NACC2: variants seen among roughly 807,000 people sequenced by gnomAD.
The protein encoded by NACC2 is NACC family member 2, also known as nucleus accumbens-associated protein 2.
A neutral mutation model predicts 25.1 loss-of-function variants in NACC2; 8 were observed. That is an observed-to-expected ratio of 0.32 (90% CI 0.19 to 0.57). The LOEUF (loss-of-function observed/expected upper bound fraction) is 0.57. NACC2 is among the 20% of genes least tolerant of loss of function. NACC2 has a pLI of 0.89. For missense variants in NACC2, 644 were observed against 650.2 expected (o/e 0.99, Z 0.10); for synonymous variants, 435 against 294.7 (o/e 1.48, Z -4.88).
chr9:136,011,413 A>G lies in NACC2; in HGVS notation c.*103T>C, dbSNP rs1383375042. On this transcript the variant is annotated 3_prime_UTR_variant, in exon 6 of 6. Coordinates refer to ENST00000277554, the MANE Select transcript of NACC2 (RefSeq NM_144653.5). Reference sequence around the variant, plus strand: ...AAAAATCACATTTTTCTCAGGCAACAGTAGCAGTTCAGTAGGTAAGTGGCT... The same window carrying G: ...AAAAATCACATTTTTCTCAGGCAACGGTAGCAGTTCAGTAGGTAAGTGGCT... The G allele has an allele frequency of 3.4e-6, 4 of 1,185,350 alleles. No individual in the cohort carries two copies. In the African/African-American group the frequency reaches 4.7e-5, roughly 14 times the overall value. The allele number at this position is 1,185,350 out of a possible 1,614,324, so 73.4% of individuals were successfully genotyped here. A position where few individuals can be genotyped will look rare whatever the true frequency, so the allele number is the denominator to read the frequency against.
At chr9:136,074,891 G>A (rs535510113) in intron 1 of NACC2, among the ~76,000 whole-genome samples, 2 of 152,306 alleles carry the variant, frequency 1.3e-5, no homozygotes, top group East Asian at 1.9e-4. Flanking sequence ...AGGCGGAGTC[G>A]GCAGGGCCGG....
intron 2 of NACC2, among the ~76,000 whole-genome samples, chr9:136,048,470 T>C (rs1006282672): frequency 7.2e-4 from 110 of 152,326 alleles, no homozygotes; most frequent in Non-Finnish European, 1.2e-3. Flanking sequence ...CCCTACCCCC[T>C]ACCACTAAAA....
intron 1 of NACC2, among the ~76,000 whole-genome samples, chr9:136,076,696 G>A (rs1336470594): frequency 2.6e-5 from 4 of 152,138 alleles, no homozygotes; most frequent in African/African-American, 9.7e-5. Context: ...TTCATGTTGT[G>A]TATATTTGAC....
At chr9:136,079,940 T>C (rs1830303384) in intron 1 of NACC2, among the ~76,000 whole-genome samples, 3 of 152,182 alleles carry the variant, frequency 2.0e-5, no homozygotes, top group Admixed American at 1.3e-4. Flanking sequence ...TTTGGAGCTG[T>C]TCCCCAGGGA....
rs553649464 is a variant in NACC2 at position 136,028,942 on chromosome 9, T to C, written c.887-12513A>G. Reference sequence around the variant, plus strand: ...TGCCGCCTTGGCCCCCTCTGGATGTTGGGCACCGTCGAGCACAAGAGGGAG... The same window carrying C: ...TGCCGCCTTGGCCCCCTCTGGATGTCGGGCACCGTCGAGCACAAGAGGGAG... On this transcript the variant is annotated intron_variant, in intron 2 of 5. Transcript: ENST00000277554. 1.1e-3 allele frequency among the ~76,000 whole-genome samples: 162 copies of C among 152,328 alleles called. 1 individual carries two copies. The highest frequency in any genetic ancestry group is 3.8e-3 in the African/African-American group (157 of 41,570).
chr9:136,094,312 G>C (rs1361656072), intron 1 of NACC2, among the ~76,000 whole-genome samples: 1 of 152,214 alleles, frequency 6.6e-6, no homozygotes, highest in Non-Finnish European at 1.5e-5. Context: ...GCGGCCTTCA[G>C]ACCCACAGGT....
In NACC2 at chr9:136,034,834, C is replaced by T. The variant is rs1004792845; in HGVS notation, c.886+14802G>A. ...GGGGGCCAGGCACAGTGGCTCATGC[C>T]TGTAACCCCAGCATTTTGGAAGGCA... is the stretch of plus-strand genomic sequence containing the variant. On this transcript the variant is annotated intron_variant, in intron 2 of 5. Transcript: ENST00000277554. Among the ~76,000 whole-genome samples, 34 of 152,292 alleles carry T rather than the reference C, an allele frequency of 2.2e-4. No individual in the cohort carries two copies. The Middle Eastern group carries it at 0.014, about 61-fold the overall frequency.
chr9:136,013,080 C>T lies in NACC2; in HGVS notation c.1255+119G>A, dbSNP rs765743843. 2.7e-4 allele frequency: 205 copies of T among 768,782 alleles called. No individual in the cohort carries two copies. Among genetic ancestry groups the T allele is most frequent in the Non-Finnish European group, 3.6e-4 (169 of 471,090 alleles). The allele number at this position is 768,782 out of a possible 1,614,324, so 47.6% of individuals were successfully genotyped here. ...TCCCCTCAATCAGACCATGCTCGGC[C>T]CCCAGGGACGGAAGCTGCAGGTGGC... is the stretch of plus-strand genomic sequence containing the variant. On this transcript the variant is annotated intron_variant, in intron 5 of 5. Coordinates refer to ENST00000277554, the MANE Select transcript of NACC2 (RefSeq NM_144653.5). The surrounding 1 kb of genome is among the most constrained non-coding windows in gnomAD (Gnocchi z 6.6).
chr9:136,058,894 G>C (rs1255616105), intron 1 of NACC2, among the ~76,000 whole-genome samples: 5 of 152,192 alleles, frequency 3.3e-5, no homozygotes, highest in Non-Finnish European at 7.4e-5. Flanking sequence ...GGGCAGGATG[G>C]TCTCCTGACC....
At chr9:136,094,260 G>A (rs1830463675) in intron 1 of NACC2, among the ~76,000 whole-genome samples, 1 of 152,164 alleles carries the variant, frequency 6.6e-6, no homozygotes, top group African/African-American at 2.4e-5. Flanking sequence ...TTGGGGGAGG[G>A]AGTGGAACGG....
At chr9:136,014,125 A>G in intron 3 of NACC2, among the ~76,000 whole-genome samples, 156 bp from the exon 4 acceptor site, 1 of 151,988 alleles carries the variant, frequency 6.6e-6, no homozygotes, top group East Asian at 1.9e-4. Flanking sequence ...TTGAGGTCCC[A>G]CCTGCTGGTC....
rs1476406455 is a variant in NACC2, at chr9:136,013,347, C to A, written c.1158-51G>T. On this transcript the variant is annotated intron_variant, in intron 4 of 5. Transcript: ENST00000277554. This position sits in a 1 kb window ranked among gnomAD's most constrained non-coding sequence, Gnocchi z 6.6. ...CAGGGTGAGGATGATGGGGAGGGTA[C>A]CTGGAGGCGACCCGCCCGCACGAAT... 8 of 1,549,198 alleles carry A rather than the reference C, an allele frequency of 5.2e-6. No individual in the cohort carries two copies. The highest frequency in any genetic ancestry group is 1.7e-5 in the Admixed American group (1 of 58,862).
chr9:136,091,759 C>A (rs1025381358), intron 1 of NACC2, among the ~76,000 whole-genome samples: 2 of 152,152 alleles, frequency 1.3e-5, no homozygotes, highest in Non-Finnish European at 2.9e-5. Flanking sequence ...GGAGCCCCAG[C>A]CAGCCAGGAG....
At chr9:136,054,361 T>C (rs1840893748) in intron 1 of NACC2, among the ~76,000 whole-genome samples, 1 of 152,188 alleles carries the variant, frequency 6.6e-6, no homozygotes, top group Non-Finnish European at 1.5e-5. Context: ...TGCTGGCTTG[T>C]CCTCAGGCCA....
chr9:136,014,438 G>A (rs866430292), intron 3 of NACC2, among the ~76,000 whole-genome samples: 78 of 152,246 alleles, frequency 5.1e-4, no homozygotes, highest in African/African-American at 1.6e-3. Context: ...CTGAGTAGCC[G>A]GGACCACAGG....
rs890921221 is a variant in NACC2, at chr9:136,084,242, C to G, written c.-60+10947G>C. On this transcript the variant is annotated intron_variant, in intron 1 of 5. Coordinates refer to ENST00000277554, the MANE Select transcript of NACC2 (RefSeq NM_144653.5). The surrounding 1 kb of genome is among the most constrained non-coding windows in gnomAD (Gnocchi z 5.1). ...CCCGCTCCCAGGTCAAAGACCTCCA[C>G]ACCCAGACCTGGTCCTGGGTAGCCA... 2.6e-5 allele frequency among the ~76,000 whole-genome samples: 4 copies of G among 152,164 alleles called. No individual in the cohort carries two copies. The East Asian group carries it at 5.8e-4, about 22-fold the overall frequency.
chr9:136,080,574 C>T (rs1226550112), intron 1 of NACC2, among the ~76,000 whole-genome samples: 2 of 152,020 alleles, frequency 1.3e-5, no homozygotes, highest in Admixed American at 6.6e-5. Flanking sequence ...CATCTCCCCA[C>T]TACCCTGCTC....
chr9:136,029,922 G>T (rs569441347), intron 2 of NACC2, among the ~76,000 whole-genome samples: 1 of 152,192 alleles, frequency 6.6e-6, no homozygotes. Context: ...TGGGCCGAAC[G>T]GGTGGAATGA....
intron 1 of NACC2, among the ~76,000 whole-genome samples, chr9:136,074,634 T>C (rs1345186614): frequency 6.6e-6 from 1 of 151,604 alleles, no homozygotes; most frequent in Non-Finnish European, 1.5e-5. Context: ...CTGCCTGCCT[T>C]CCTCAAGGAA....
Sources: gnomAD v4.1 joint callset for allele counts (sites outside exome capture counted in the v4.1 genomes callset) on GRCh38, gnomAD v4.1.1 for gene constraint, Gnocchi (gnomAD v3.1) non-coding constraint, MANE v1.5 for transcripts, NCBI Gene and HGNC (gene_info 2026-07-23, HGNC 2026-07-21) for gene names.